ADAM12: variants seen among roughly 807,000 people sequenced by gnomAD.
The protein encoded by ADAM12 is disintegrin and metalloproteinase domain-containing protein 12.
A neutral mutation model predicts 106.4 loss-of-function variants in ADAM12; 70 were observed. The ratio of observed to expected loss-of-function variants is 0.66; its 90% CI spans 0.54 to 0.80. ADAM12 has a LOEUF of 0.80. Among genes scored for constraint, ADAM12 ranks in the 30% least tolerant of loss-of-function variants. The probability of loss-of-function intolerance (pLI) is 0.00; values close to 1 mark genes in which losing one functional copy is unlikely to be tolerated. For synonymous variants in ADAM12, 420 were observed against 433.5 expected, an observed-to-expected ratio of 0.97 and a Z score of 0.39; for missense variants, 1,010 against 1,171.9, an observed-to-expected ratio of 0.86 and a Z score of 2.02.
At chr10:126,282,044 T>C (rs1384755539) in intron 2 of ADAM12, among the ~76,000 whole-genome samples, 1 of 152,234 alleles carries the variant, frequency 6.6e-6, no homozygotes, top group East Asian at 1.9e-4. Flanking sequence ...CCAGAGACTG[T>C]GTGGCTTAAA....
intron 3 of ADAM12, among the ~76,000 whole-genome samples, chr10:126,173,531 A>G (rs7083491): frequency 0.43 from 65,482 of 152,036 alleles, 14,348 homozygotes; most frequent in Middle Eastern, 0.51. Flanking sequence ...CCCCAGACAC[A>G]GCCAACTGTC....
intron 3 of ADAM12, among the ~76,000 whole-genome samples, chr10:126,169,053 G>A (rs888615409): frequency 1.3e-5 from 2 of 151,558 alleles, no homozygotes; most frequent in Admixed American, 6.6e-5. Flanking sequence ...ACTCCGTCTC[G>A]AAAAAAAACC....
chr10:126,218,153 A>G (rs1306445215), intron 3 of ADAM12, among the ~76,000 whole-genome samples: 1 of 151,678 alleles, frequency 6.6e-6, no homozygotes, highest in Non-Finnish European at 1.5e-5. Flanking sequence ...CAGCAACAAA[A>G]GCAAAATACA....
At chr10:126,314,196 T>A (rs1961246243) in intron 2 of ADAM12, among the ~76,000 whole-genome samples, 1 of 152,016 alleles carries the variant, frequency 6.6e-6, no homozygotes. Flanking sequence ...CTGGAGGAGC[T>A]GAGGGTGGGG....
intron 3 of ADAM12, among the ~76,000 whole-genome samples, chr10:126,240,040 G>A (rs113867126): frequency 2.8e-4 from 43 of 152,304 alleles, no homozygotes; most frequent in African/African-American, 9.4e-4. Context: ...GCCCGGAGTC[G>A]ACTCAGCTCC....
At chr10:126,181,072 AT>A (rs35075200) in intron 3 of ADAM12, among the ~76,000 whole-genome samples, 10,325 of 140,472 alleles carry the variant, frequency 0.074, 1,024 homozygotes, top group African/African-American at 0.24. Flanking sequence ...CTACATAGGG[AT>A]TTTTTTTTTT....
At chr10:126,220,124 G>A (rs115829813) in intron 3 of ADAM12, among the ~76,000 whole-genome samples, 1 of 152,354 alleles carries the variant, frequency 6.6e-6, no homozygotes, top group African/African-American at 2.4e-5. Context: ...GGGCCAGCCA[G>A]CCATTCGGAA....
rs756044168 is a variant in ADAM12, at chr10:126,066,877, C to G, written c.1324-71G>C. The stretch of plus-strand genomic sequence containing the variant: ...GCACTCACTGAATGCAAACATCACA[C>G]CTTAAATGGCTGCAAAAAGCAAGAA... On this transcript the variant is annotated intron_variant, in intron 12 of 22. Coordinates refer to ENST00000448723, the MANE Select transcript of ADAM12 (RefSeq NM_001288973.2). The surrounding 1 kb of genome is among the most constrained non-coding windows in gnomAD (Gnocchi z 5.1). 16 of 1,430,354 alleles carry G rather than the reference C, an allele frequency of 1.1e-5. No homozygotes were observed. The highest frequency in any genetic ancestry group is 1.8e-5 in the Admixed American group (1 of 55,734). 88.6% of individuals were successfully genotyped at this position (1,430,354 alleles called of 1,614,324 possible). A position where few individuals can be genotyped will look rare whatever the true frequency, so the allele number is the denominator to read the frequency against.
At chr10:126,157,694 C>T (rs1956845052) in intron 3 of ADAM12, among the ~76,000 whole-genome samples, 1 of 152,248 alleles carries the variant, frequency 6.6e-6, no homozygotes, top group Admixed American at 6.5e-5. Flanking sequence ...TCACTCTCCT[C>T]AGCAGTGCAC....
chr10:126,347,212 G>A (rs528426755), intron 1 of ADAM12, among the ~76,000 whole-genome samples: 3 of 152,292 alleles, frequency 2.0e-5, no homozygotes, highest in Admixed American at 6.5e-5. Context: ...TTTTAGGGCA[G>A]GCTGGTGGTG....
At chr10:126,249,597 G>C (rs1036994984) in intron 3 of ADAM12, among the ~76,000 whole-genome samples, 1 of 152,156 alleles carries the variant, frequency 6.6e-6, no homozygotes, top group Non-Finnish European at 1.5e-5. Flanking sequence ...TCAGCTACTT[G>C]GGAGGCTGAG....
chr10:126,026,265 G>C (rs1247766703), intron 21 of ADAM12, among the ~76,000 whole-genome samples: 2 of 152,192 alleles, frequency 1.3e-5, no homozygotes, highest in African/African-American at 4.8e-5. Flanking sequence ...TAATGGTAAA[G>C]AGTTCAATAA....
At position 126,017,356 on chromosome 10, in the gene ADAM12, GAAA is replaced by G. The variant is rs541574979; in HGVS notation, c.2661-20_2661-18del. 1 of 1,543,156 alleles carries G rather than the reference GAAA, an allele frequency of 6.5e-7. No homozygotes were observed. Among genetic ancestry groups the G allele is most frequent in the Admixed American group, 2.0e-5 (1 of 50,346 alleles). On this transcript the variant is annotated intron_variant, in intron 22 of 22. Coordinates refer to ENST00000448723, the MANE Select transcript of ADAM12 (RefSeq NM_001288973.2). The stretch of plus-strand genomic sequence containing the variant: ...GGAGCAGGTCTGAATGAAGAGAGGA[GAAA>G]AAAAAATGATCAGAGACCTTGAGAA...
In ADAM12 at chr10:126,371,685, G is replaced by C. The variant is rs147277620; in HGVS notation, c.88+16373C>G. On this transcript the variant is annotated intron_variant, in intron 1 of 22. Transcript: ENST00000448723. ...ATTAAGATATAAGTCAAGAGCTTAT[G>C]TGTCTGCTTCACCCACAAATGTGAG... 9.2e-5 allele frequency among the ~76,000 whole-genome samples: 14 copies of C among 152,336 alleles called. No individual in the cohort carries two copies. In the East Asian group the frequency reaches 2.7e-3, roughly 29 times the overall value.
rs750727776 is a variant in ADAM12 at position 126,072,938 on chromosome 10, C to T, written c.1146-1284G>A. 6.6e-5 allele frequency among the ~76,000 whole-genome samples: 10 copies of T among 152,248 alleles called. No homozygotes were observed. In the South Asian group the frequency reaches 1.2e-3, roughly 19 times the overall value. On this transcript the variant is annotated intron_variant, in intron 11 of 22. Coordinates refer to ENST00000448723, the MANE Select transcript of ADAM12 (RefSeq NM_001288973.2). The stretch of plus-strand genomic sequence containing the variant: ...CGCTCCCCTGATGATGGTAGACCAG[C>T]GGCCACTTAATGATTGAGCTTGGTG...
chr10:126,191,645 C>T (rs56977124), intron 3 of ADAM12, among the ~76,000 whole-genome samples: 3,295 of 152,202 alleles, frequency 0.022, 113 homozygotes, highest in African/African-American at 0.075. Context: ...AAATTTAAGA[C>T]TTCCAAGGTT....
intron 12 of ADAM12, among the ~76,000 whole-genome samples, chr10:126,069,970 A>T (rs1954954305): frequency 6.6e-6 from 1 of 152,186 alleles, no homozygotes; most frequent in South Asian, 2.1e-4. Context: ...CAAACCCGAG[A>T]GTTCATGGCT....
chr10:126,111,803 G>A (rs1000417068), intron 6 of ADAM12, among the ~76,000 whole-genome samples: 3 of 152,206 alleles, frequency 2.0e-5, no homozygotes, highest in African/African-American at 7.2e-5. Context: ...AGCACTGGGG[G>A]AGTCGCCGGC....
At chr10:126,234,114 G>A (rs1286671923) in intron 3 of ADAM12, among the ~76,000 whole-genome samples, 1 of 152,130 alleles carries the variant, frequency 6.6e-6, no homozygotes, top group Non-Finnish European at 1.5e-5. Flanking sequence ...CTCATGGACA[G>A]GCACACCACT....
Sources: gnomAD v4.1 joint callset for allele counts (sites outside exome capture counted in the v4.1 genomes callset) on GRCh38, gnomAD v4.1.1 for gene constraint, Gnocchi (gnomAD v3.1) non-coding constraint, MANE v1.5 for transcripts, NCBI Gene and HGNC (gene_info 2026-07-23, HGNC 2026-07-21) for gene names.